Variants in ZBTB20 observed in about 807,000 individuals in gnomAD.
The protein encoded by ZBTB20 is zinc finger and BTB domain containing 20.
In ZBTB20, 9 loss-of-function variants were observed where a neutral mutation model predicts 56.9. The ratio of observed to expected loss-of-function variants is 0.16; its 90% CI spans 0.10 to 0.28. The LOEUF (loss-of-function observed/expected upper bound fraction) is 0.28, where lower values mean the gene tolerates loss of function less well. Ranked by LOEUF, ZBTB20 falls within the 10% of genes least tolerant of loss-of-function variation. The pLI is 1.00. For missense variants in ZBTB20, 655 were observed against 1,003.0 expected, an observed-to-expected ratio of 0.65 and a Z score of 4.69; for synonymous variants, 417 against 420.7, an observed-to-expected ratio of 0.99 and a Z score of 0.11.
intron 3 of ZBTB20, among the ~76,000 whole-genome samples, chr3:114,965,816 C>G (rs561265341): frequency 2.0e-5 from 3 of 151,932 alleles, no homozygotes; most frequent in African/African-American, 4.8e-5. Context: ...TTTTGAGATA[C>G]GTCTATTCAG....
intron 8 of ZBTB20, among the ~76,000 whole-genome samples, chr3:114,382,537 A>G (rs2084505415): frequency 6.6e-6 from 1 of 152,110 alleles, no homozygotes; most frequent in Non-Finnish European, 1.5e-5. Flanking sequence ...GCCCTGTTGA[A>G]ATCATACTTA....
intron 8 of ZBTB20, among the ~76,000 whole-genome samples, chr3:114,382,370 G>A (rs866515113): frequency 2.0e-5 from 3 of 152,036 alleles, no homozygotes; most frequent in Non-Finnish European, 2.9e-5. Flanking sequence ...GGTCAGTTCC[G>A]TATCTCTTCT....
At chr3:114,775,636 T>C (rs968829726) in intron 5 of ZBTB20, among the ~76,000 whole-genome samples, 4 of 152,144 alleles carry the variant, frequency 2.6e-5, no homozygotes, top group Non-Finnish European at 5.9e-5. Flanking sequence ...ACGGAGCCCT[T>C]TGATCCTAGG....
chr3:114,585,180 GTAC>G (rs2055054045), intron 6 of ZBTB20, among the ~76,000 whole-genome samples: 1 of 152,030 alleles, frequency 6.6e-6, no homozygotes, highest in African/African-American at 2.4e-5. Flanking sequence ...CAGTGTAGGA[GTAC>G]TCCCTGCTGG....
intron 7 of ZBTB20, among the ~76,000 whole-genome samples, chr3:114,495,053 G>T (rs879442074): frequency 2.6e-5 from 4 of 152,196 alleles, no homozygotes; most frequent in Non-Finnish European, 5.9e-5. Context: ...TTTCATGAAT[G>T]AAACCCTATG....
chr3:114,355,026 A>G (rs540142067), intron 10 of ZBTB20, among the ~76,000 whole-genome samples: 5 of 152,324 alleles, frequency 3.3e-5, no homozygotes, highest in Admixed American at 1.3e-4. Flanking sequence ...TTTCCACTGC[A>G]TAACAGTGGA....
rs542479175 is a variant in ZBTB20, at chr3:114,962,553, T to G, written c.-456+11813A>C. 1.2e-4 allele frequency among the ~76,000 whole-genome samples: 19 copies of G among 152,242 alleles called. 1 individual carries two copies. The South Asian group carries it at 3.9e-3, about 32-fold the overall frequency. On this transcript the variant is annotated intron_variant, in intron 3 of 11. Coordinates refer to ENST00000675478, the MANE Select transcript of ZBTB20 (RefSeq NM_001348800.3). ...TCTCCTAGATCCTGGTATTCCCCCT[T>G]GGGGCAGCAGTATAATATAAAAGCT... is the stretch of plus-strand genomic sequence containing the variant.
chr3:115,100,500 C>G (rs956145841), intron 1 of ZBTB20: 1 of 152,446 alleles, frequency 6.6e-6, no homozygotes, highest in Non-Finnish European at 1.5e-5. Context: ...TCCTACCAGA[C>G]AGCAGACAGC....
At chr3:114,360,996 T>A (rs886287345) in intron 10 of ZBTB20, among the ~76,000 whole-genome samples, 2 of 152,222 alleles carry the variant, frequency 1.3e-5, no homozygotes, top group African/African-American at 4.8e-5. Flanking sequence ...TACTTTATAA[T>A]TATTTTAATC....
At chr3:114,683,141 G>A (rs2062087052) in intron 6 of ZBTB20, among the ~76,000 whole-genome samples, 1 of 152,112 alleles carries the variant, frequency 6.6e-6, no homozygotes, top group South Asian at 2.1e-4. Flanking sequence ...CCTTTTGCTG[G>A]ACTATTCCTC....
At chr3:114,755,821 T>C (rs559360457) in intron 5 of ZBTB20, among the ~76,000 whole-genome samples, 1 of 152,264 alleles carries the variant, frequency 6.6e-6, no homozygotes, top group South Asian at 2.1e-4. Flanking sequence ...TGCTTTAGCA[T>C]TGATTTCTTG....
chr3:115,126,123 G>C (rs113095323), intron 1 of ZBTB20, among the ~76,000 whole-genome samples: 8 of 152,258 alleles, frequency 5.3e-5, no homozygotes, highest in African/African-American at 1.9e-4. Context: ...TGTTTCTTGA[G>C]AAGCAAGAAA....
rs573916464 is a variant in ZBTB20, at chr3:114,697,983, A to T, written c.-342-4408T>A. ...GATTACTGGCAGGTGAATGCCTGAA[A>T]GTTCTAATGTGTCAAATTACTTGAA... On this transcript the variant is annotated intron_variant, in intron 5 of 11. Transcript: ENST00000675478. Among the ~76,000 whole-genome samples the T allele has an allele frequency of 2.0e-5, 3 of 152,220 alleles. No homozygotes were observed. The South Asian group carries it at 6.2e-4, about 32-fold the overall frequency.
intron 6 of ZBTB20, among the ~76,000 whole-genome samples, chr3:114,534,458 A>C (rs1055732587): frequency 6.6e-6 from 1 of 152,200 alleles, no homozygotes; most frequent in Non-Finnish European, 1.5e-5. Flanking sequence ...ATATACATGC[A>C]CCTAATACAG....
chr3:114,888,841 G>A (rs2948672), intron 4 of ZBTB20, among the ~76,000 whole-genome samples: 76,050 of 151,792 alleles, frequency 0.5, 19,746 homozygotes, highest in East Asian at 0.79. Context: ...AGCCATTATA[G>A]AAGCAACATT....
At chr3:115,089,376 T>G (rs1041172317) in intron 1 of ZBTB20, among the ~76,000 whole-genome samples, 1 of 151,840 alleles carries the variant, frequency 6.6e-6, no homozygotes, top group Non-Finnish European at 1.5e-5. Context: ...GCGAAGTTCC[T>G]TAACAATTCA....
chr3:115,088,116 C>T (rs765429439), intron 1 of ZBTB20, among the ~76,000 whole-genome samples: 2 of 151,902 alleles, frequency 1.3e-5, no homozygotes, highest in Non-Finnish European at 2.9e-5. Flanking sequence ...AAATGCCCTA[C>T]AGGATTTTTC....
At chr3:114,674,777 T>A (rs2061535418) in intron 6 of ZBTB20, among the ~76,000 whole-genome samples, 1 of 152,072 alleles carries the variant, frequency 6.6e-6, no homozygotes, top group African/African-American at 2.4e-5. Context: ...TTGATTTAGA[T>A]AAAACTGGCC....
intron 5 of ZBTB20, among the ~76,000 whole-genome samples, chr3:114,792,382 T>G (rs2108811118): frequency 6.6e-6 from 1 of 152,284 alleles, no homozygotes; most frequent in Non-Finnish European, 1.5e-5. Context: ...GGAAAGATAT[T>G]TTTTAACTGC....
Sources: allele counts gnomAD v4.1 joint callset (sites outside exome capture counted in the v4.1 genomes callset), GRCh38; gene constraint gnomAD v4.1.1; transcripts MANE v1.5; gene names NCBI Gene and HGNC (gene_info 2026-07-23, HGNC 2026-07-21).